Variants in EFNA5 observed in about 807,000 individuals in gnomAD.
EFNA5 encodes ephrin-A5.
Under a neutral mutation model 22.9 loss-of-function variants are expected in EFNA5, and 5 were observed. The ratio of observed to expected loss-of-function variants is 0.22; its 90% CI spans 0.11 to 0.46. EFNA5 has a LOEUF of 0.46. EFNA5 is among the 20% of genes least tolerant of loss of function. The pLI, the probability that EFNA5 is intolerant of heterozygous loss-of-function variation, is 0.99. For synonymous variants in EFNA5, 113 were observed against 112.2 expected (o/e 1.01, Z -0.04); for missense variants, 237 against 293.3 (o/e 0.81, Z 1.40).
chr5:107,663,550 T>C lies in EFNA5; in HGVS notation c.125+6939A>G, dbSNP rs548152381. The stretch of plus-strand genomic sequence containing the variant: ...TCATCAGTCATGAAAATCAGGTCAC[T>C]TGATAAGCTATAATAGAAAGAATAT... On this transcript the variant is annotated intron_variant, in intron 1 of 4. Transcript: ENST00000333274. Among the ~76,000 whole-genome samples, 254 of 152,244 alleles carry C rather than the reference T, an allele frequency of 1.7e-3. 2 individuals are homozygous for C. The highest frequency in any genetic ancestry group is 5.9e-3 in the African/African-American group (246 of 41,576).
intron 1 of EFNA5, among the ~76,000 whole-genome samples, chr5:107,459,136 G>A (rs1042818036): frequency 1.3e-5 from 2 of 152,130 alleles, no homozygotes; most frequent in African/African-American, 4.8e-5. Flanking sequence ...GCTCACGCCT[G>A]TAATCCCAGC....
intron 1 of EFNA5, among the ~76,000 whole-genome samples, chr5:107,651,581 C>T (rs1446941330): frequency 6.6e-6 from 1 of 151,272 alleles, no homozygotes; most frequent in African/African-American, 2.4e-5. Flanking sequence ...CCAACTACAA[C>T]TTGATGTTTG....
chr5:107,577,416 G>C (rs948838122), intron 1 of EFNA5, among the ~76,000 whole-genome samples: 23 of 152,162 alleles, frequency 1.5e-4, no homozygotes, highest in African/African-American at 4.8e-4. Flanking sequence ...AGGAAGAGCT[G>C]TGTGCCCTTT....
At chr5:107,530,303 T>C (rs945912281) in intron 1 of EFNA5, among the ~76,000 whole-genome samples, 9 of 152,320 alleles carry the variant, frequency 5.9e-5, no homozygotes, top group African/African-American at 2.2e-4. Context: ...CACATACTGC[T>C]TCTTAAAGCT....
intron 1 of EFNA5, among the ~76,000 whole-genome samples, chr5:107,435,475 C>A (rs1326227778): frequency 2.0e-5 from 3 of 152,078 alleles, no homozygotes; most frequent in Non-Finnish European, 4.4e-5. Flanking sequence ...TGGACTGAAA[C>A]ATGTCTATCT....
intron 1 of EFNA5, among the ~76,000 whole-genome samples, chr5:107,458,059 A>T (rs1641021197): frequency 6.6e-6 from 1 of 152,086 alleles, no homozygotes; most frequent in Admixed American, 6.6e-5. Flanking sequence ...TCTAAACCAC[A>T]CTATTTTCTA....
At chr5:107,391,232 TAA>T (rs1317236074) in intron 2 of EFNA5, among the ~76,000 whole-genome samples, 2 of 152,210 alleles carry the variant, frequency 1.3e-5, no homozygotes, top group Non-Finnish European at 2.9e-5. Flanking sequence ...CGAAGATATA[TAA>T]GATTTCAAAC....
chr5:107,539,037 A>G (rs1457372362), intron 1 of EFNA5, among the ~76,000 whole-genome samples: 1 of 152,224 alleles, frequency 6.6e-6, no homozygotes, highest in Non-Finnish European at 1.5e-5. Context: ...GCACTGGTAC[A>G]CTAATGAAAA....
intron 1 of EFNA5, among the ~76,000 whole-genome samples, chr5:107,453,893 G>T (rs1183354383): frequency 6.6e-6 from 1 of 152,054 alleles, no homozygotes; most frequent in Non-Finnish European, 1.5e-5. Flanking sequence ...TTGATTAGAA[G>T]AATAATCAGC....
At chr5:107,505,292 G>T (rs2112429179) in intron 1 of EFNA5, among the ~76,000 whole-genome samples, 1 of 152,296 alleles carries the variant, frequency 6.6e-6, no homozygotes, top group Non-Finnish European at 1.5e-5. Context: ...ACTTAGGAAA[G>T]CTTCATGGCA....
At chr5:107,442,217 C>T (rs1749275257) in intron 1 of EFNA5, among the ~76,000 whole-genome samples, 1 of 151,802 alleles carries the variant, frequency 6.6e-6, no homozygotes, top group Non-Finnish European at 1.5e-5. Context: ...TTAATAATTT[C>T]ACAAGAACCC....
rs1161571717 is a variant in EFNA5 at position 107,496,354 on chromosome 5, CAAA to C, written c.126-68848_126-68846del. Among the ~76,000 whole-genome samples the C allele has an allele frequency of 1.4e-4, 17 of 121,762 alleles. No homozygotes were observed. The South Asian group carries it at 3.5e-3, about 25-fold the overall frequency. The allele number at this position is 121,762 out of a possible 152,430, so 79.9% of individuals were successfully genotyped here. ...TCCATCTCAAAAAAAAAAAAAAAAA[CAAA>C]AAAACAAAAAACAACAACTACCCAG... On this transcript the variant is annotated intron_variant, in intron 1 of 4. Coordinates refer to ENST00000333274, the MANE Select transcript of EFNA5 (RefSeq NM_001962.3).
chr5:107,420,602 T>C (rs637272), intron 2 of EFNA5, among the ~76,000 whole-genome samples: 1 of 151,850 alleles, frequency 6.6e-6, no homozygotes, highest in Non-Finnish European at 1.5e-5. Flanking sequence ...CTCTCTGCTT[T>C]GATGTTATGT....
chr5:107,581,646 T>C (rs1749074945), intron 1 of EFNA5, among the ~76,000 whole-genome samples: 1 of 152,208 alleles, frequency 6.6e-6, no homozygotes, highest in Non-Finnish European at 1.5e-5. Flanking sequence ...ACAATAACAG[T>C]TGCCACATTC....
At chr5:107,665,674 T>C (rs1232923585) in intron 1 of EFNA5, among the ~76,000 whole-genome samples, 1 of 152,190 alleles carries the variant, frequency 6.6e-6, no homozygotes, top group East Asian at 1.9e-4. Flanking sequence ...AATCAGACAG[T>C]TGAGTATTTC....
At chr5:107,565,868 G>C (rs1233608688) in intron 1 of EFNA5, among the ~76,000 whole-genome samples, 9 of 152,330 alleles carry the variant, frequency 5.9e-5, no homozygotes, top group Middle Eastern at 3.4e-3. Context: ...AGATGGAGGA[G>C]AAAAAGTTAA....
At chr5:107,496,789 T>C (rs1007988281) in intron 1 of EFNA5, among the ~76,000 whole-genome samples, 11 of 152,194 alleles carry the variant, frequency 7.2e-5, no homozygotes, top group Non-Finnish European at 1.6e-4. Flanking sequence ...AACCTAGGAC[T>C]AAACCCAGAT....
intron 1 of EFNA5, among the ~76,000 whole-genome samples, chr5:107,669,002 G>A (rs1450259968): frequency 6.6e-6 from 1 of 152,044 alleles, no homozygotes; most frequent in East Asian, 1.9e-4. Context: ...GTTCATTTAG[G>A]ACTTGGGCGG....
At chr5:107,479,471 AC>A (rs1224067841) in intron 1 of EFNA5, among the ~76,000 whole-genome samples, 55 of 152,002 alleles carry the variant, frequency 3.6e-4, no homozygotes, top group African/African-American at 1.3e-3. Context: ...AAAAAAAAAA[AC>A]AACCTAAATT....
Sources: gnomAD v4.1 joint callset for allele counts (sites outside exome capture counted in the v4.1 genomes callset) on GRCh38, gnomAD v4.1.1 for gene constraint, MANE v1.5 for transcripts, NCBI Gene and HGNC (gene_info 2026-07-23, HGNC 2026-07-21) for gene names.